The following RYR3 variants were observed in gnomAD, a reference collection of about 807,000 sequenced individuals.
RYR3 encodes brain ryanodine receptor-calcium release channel.
RYR3 carries 207 observed loss-of-function variants against 584.3 expected under a neutral mutation model. That is an observed-to-expected ratio of 0.35 (90% CI 0.32 to 0.40). RYR3 has a LOEUF of 0.40. Among genes scored for constraint, RYR3 ranks in the 10% least tolerant of loss-of-function variants. The pLI is 1.00. For missense variants in RYR3, 5,616 were observed against 6,089.2 expected (o/e 0.92, Z 2.59); for synonymous variants, 2,416 against 2,248.5 (o/e 1.07, Z -2.11).
intron 16 of RYR3, among the ~76,000 whole-genome samples, chr15:33,598,752 T>TA (rs1456509248): frequency 0.018 from 2,065 of 114,702 alleles, 24 homozygotes; most frequent in African/African-American, 0.042. Flanking sequence ...CAAGTAAAAC[T>TA]AAAAAAAAAA....
chr15:33,680,788 C>A (rs993376883), intron 38 of RYR3, among the ~76,000 whole-genome samples: 1 of 152,198 alleles, frequency 6.6e-6, no homozygotes, highest in African/African-American at 2.4e-5. Context: ...GAAGAAGAGA[C>A]AAACGGGTGC....
intron 11 of RYR3, among the ~76,000 whole-genome samples, chr15:33,565,003 A>G (rs1436047570): frequency 6.6e-6 from 1 of 152,210 alleles, no homozygotes; most frequent in African/African-American, 2.4e-5. Flanking sequence ...GCACAAACAG[A>G]ATGAAACACC....
At chr15:33,585,181 GA>G (rs1481443961) in intron 15 of RYR3, among the ~76,000 whole-genome samples, 2 of 152,108 alleles carry the variant, frequency 1.3e-5, no homozygotes, top group Non-Finnish European at 2.9e-5. Flanking sequence ...CCGGCCAAGA[GA>G]GGTTCCCCCA....
chr15:33,583,050 A>G (rs1455795887), intron 14 of RYR3, among the ~76,000 whole-genome samples: 5 of 152,174 alleles, frequency 3.3e-5, no homozygotes, highest in Admixed American at 6.5e-5. Context: ...TCTCTGCAGT[A>G]TCATCTGCCA....
intron 18 of RYR3, among the ~76,000 whole-genome samples, chr15:33,609,583 G>A (rs1389864856): frequency 2.0e-5 from 3 of 152,220 alleles, no homozygotes; most frequent in Admixed American, 1.3e-4. Flanking sequence ...AACCCAGGAG[G>A]CAGAGGTTGC....
Position 33,628,523 on chromosome 15 carries a change from T to A in RYR3, c.2627T>A (p.Ile876Asn). ...EKIRDRLAEN[I>N]HELWGMNKIE... ...ATCCGAGACAGACTAGCTGAAAACA[T>A]CCATGAGCTTTGGGGAATGAATAAA... is the stretch of plus-strand genomic sequence containing the variant. The change falls in exon 21 of 104, where the codon ATC becomes AAC. Residue 876 changes from isoleucine to asparagine, a missense_variant. Ile to Asn is a moderately radical substitution (Grantham distance 149, BLOSUM62 -3). Coordinates refer to ENST00000634891, the MANE Select transcript of RYR3 (RefSeq NM_001036.6). 1 of 1,613,826 alleles carries A rather than the reference T, an allele frequency of 6.2e-7. No homozygotes were observed. The highest frequency in any genetic ancestry group is 1.1e-5 in the South Asian group (1 of 91,060).
intron 27 of RYR3, among the ~76,000 whole-genome samples, chr15:33,643,333 G>A (rs977251628): frequency 3.9e-5 from 6 of 152,070 alleles, no homozygotes; most frequent in African/African-American, 7.2e-5. Flanking sequence ...CATAATTAGC[G>A]CTTTCCCTGT....
chr15:33,606,225 A>G (rs1164955794), intron 18 of RYR3, among the ~76,000 whole-genome samples: 3 of 152,226 alleles, frequency 2.0e-5, no homozygotes, highest in Non-Finnish European at 4.4e-5. Context: ...AAATGAGGAT[A>G]CTATAAGATT....
chr15:33,321,854 ACT>A (rs1460806307), intron 1 of RYR3, among the ~76,000 whole-genome samples: 2 of 152,160 alleles, frequency 1.3e-5, no homozygotes, highest in African/African-American at 4.8e-5. Context: ...AGAAAAGTGA[ACT>A]CTATGGATGA....
chr15:33,435,789 T>G (rs1044593433), intron 1 of RYR3, among the ~76,000 whole-genome samples: 2 of 152,146 alleles, frequency 1.3e-5, no homozygotes, highest in African/African-American at 4.8e-5. Context: ...AAAGGTGGTG[T>G]GGACCCAAAG....
intron 1 of RYR3, among the ~76,000 whole-genome samples, chr15:33,378,381 GAA>G (rs2040908125): frequency 3.3e-5 from 5 of 152,198 alleles, no homozygotes; most frequent in Admixed American, 3.3e-4. Context: ...CTTCCTGGGA[GAA>G]GTGTCAAGTG....
Position 33,585,992 on chromosome 15 carries a change from A to G in RYR3, c.1670-6A>G. 2 of 1,572,480 alleles carry G rather than the reference A, an allele frequency of 1.3e-6. No homozygotes were observed. Among genetic ancestry groups the G allele is most frequent in the African/African-American group, 1.3e-5 (1 of 74,242 alleles). ...TCCAAATTTGATGTTTGTGGCATTCATGTAGGTATCTTGGAAGTTTTGCAC... is the reference window on the plus strand; with the variant it reads ...TCCAAATTTGATGTTTGTGGCATTCGTGTAGGTATCTTGGAAGTTTTGCAC... On this transcript the variant is annotated splice_region_variant and splice_polypyrimidine_tract_variant and intron_variant, in intron 15 of 103. Coordinates refer to ENST00000634891, the MANE Select transcript of RYR3 (RefSeq NM_001036.6).
At chr15:33,847,366 T>C (rs1227603572) in intron 93 of RYR3, 1 of 152,212 alleles carries the variant, frequency 6.6e-6, no homozygotes, top group Non-Finnish European at 1.5e-5. Flanking sequence ...ATGCATATCA[T>C]GGGTTTGGAG....
intron 1 of RYR3, among the ~76,000 whole-genome samples, chr15:33,399,998 GAAATCACCA>G (rs2042546509): frequency 6.6e-6 from 1 of 152,134 alleles, no homozygotes; most frequent in African/African-American, 2.4e-5. Flanking sequence ...GAATGTTACT[GAAATCACCA>G]AGCCCTTCTC....
intron 38 of RYR3, among the ~76,000 whole-genome samples, chr15:33,683,970 G>A (rs551049637): frequency 5.7e-4 from 87 of 152,366 alleles, no homozygotes; most frequent in African/African-American, 2.0e-3. Flanking sequence ...GTAGGTAAAC[G>A]AAGCAGCCAG....
chr15:33,586,223 G>T, intron 16 of RYR3, 107 bp downstream of exon 16: 1 of 715,912 alleles, frequency 1.4e-6, no homozygotes, highest in South Asian at 1.7e-5. Flanking sequence ...TCTTGACTTT[G>T]ATAAAAATCT....
chr15:33,753,377 T>G (rs1231968100), intron 57 of RYR3, among the ~76,000 whole-genome samples: 1 of 152,198 alleles, frequency 6.6e-6, no homozygotes, highest in East Asian at 1.9e-4. Flanking sequence ...CTAAGATGTT[T>G]TATCTCAAAC....
intron 57 of RYR3, among the ~76,000 whole-genome samples, chr15:33,751,252 T>C (rs1198199135): frequency 1.3e-5 from 2 of 152,262 alleles, no homozygotes; most frequent in South Asian, 4.1e-4. Context: ...ATATACCCAG[T>C]AATGGGATTG....
intron 1 of RYR3, among the ~76,000 whole-genome samples, chr15:33,419,751 A>G (rs139818503): frequency 4.4e-4 from 67 of 152,240 alleles, no homozygotes; most frequent in Non-Finnish European, 8.5e-4. Flanking sequence ...TATGGTACCA[A>G]CTTGAATTTG....
Sources: gnomAD v4.1 joint callset for allele counts (sites outside exome capture counted in the v4.1 genomes callset) on GRCh38, gnomAD v4.1.1 for gene constraint, MANE v1.5 for transcripts, NCBI Gene and HGNC (gene_info 2026-07-23, HGNC 2026-07-21) for gene names.